The following BCAS1 variants were observed in gnomAD, a reference collection of about 807,000 sequenced individuals.
BCAS1 encodes the protein breast carcinoma-amplified sequence 1.
Under a neutral mutation model 65.4 loss-of-function variants are expected in BCAS1, and 46 were observed. The ratio of observed to expected loss-of-function variants is 0.70; its 90% CI spans 0.55 to 0.90. The LOEUF (loss-of-function observed/expected upper bound fraction) is 0.90, where lower values mean the gene tolerates loss of function less well. BCAS1 is among the 40% of genes least tolerant of loss of function. BCAS1 has a pLI of 0.00. For missense variants in BCAS1, 793 were observed against 771.2 expected (o/e 1.03, Z -0.33); for synonymous variants, 298 against 293.5 (o/e 1.02, Z -0.16).
At chr20:54,012,384 C>T (rs992769787) in intron 4 of BCAS1, among the ~76,000 whole-genome samples, 28 of 151,018 alleles carry the variant, frequency 1.9e-4, no homozygotes, top group African/African-American at 5.1e-4. Context: ...AAGATGTTAC[C>T]GTTGAGTGAC....
At position 54,028,755 on chromosome 20, in the gene BCAS1, C is replaced by T; in HGVS notation, c.360G>A (p.Lys120=). Residue 120 remains lysine (K), a synonymous_variant, in exon 4 of 13, where the codon AAG becomes AAA. Coordinates refer to ENST00000688948, the MANE Select transcript of BCAS1 (RefSeq NM_001366298.2). Reference sequence around the variant, plus strand: ...GAGCTTTATTGGAGCTGACATCAAGCTTCACTGATCCAAGGGATGAATCTG... The same window carrying T: ...GAGCTTTATTGGAGCTGACATCAAGTTTCACTGATCCAAGGGATGAATCTG... The part of the protein sequence containing the change: ...QAADSSLGSV[K]LDVSSNKAPA... 1 of 1,614,214 alleles carries T rather than the reference C, an allele frequency of 6.2e-7. No individual in the cohort carries two copies. Among genetic ancestry groups the T allele is most frequent in the South Asian group, 1.1e-5 (1 of 91,084 alleles).
chr20:54,033,787 C>G (rs1453161368), intron 3 of BCAS1, among the ~76,000 whole-genome samples: 1 of 151,276 alleles, frequency 6.6e-6, no homozygotes, highest in African/African-American at 2.4e-5. Flanking sequence ...GGAGTCCTTC[C>G]TAACTCATTT....
At position 54,033,866 on chromosome 20, in the gene BCAS1, T is replaced by A. The variant is rs185489895; in HGVS notation, c.143-4894A>T. Among the ~76,000 whole-genome samples, 4 of 151,386 alleles carry A rather than the reference T, an allele frequency of 2.6e-5. No individual in the cohort carries two copies. In the East Asian group the frequency reaches 7.7e-4, roughly 29 times the overall value. ...CAACAAGAAAAGCTTCAGGCCAATA[T>A]CCTTGATGAACTTCAATGCAAAAAT... On this transcript the variant is annotated intron_variant, in intron 3 of 12. Coordinates refer to ENST00000688948, the MANE Select transcript of BCAS1 (RefSeq NM_001366298.2).
chr20:54,053,652 A>G (rs1286571208), intron 3 of BCAS1, among the ~76,000 whole-genome samples: 1 of 152,270 alleles, frequency 6.6e-6, no homozygotes, highest in Non-Finnish European at 1.5e-5. Context: ...CATGCCAGAC[A>G]CTGTTCTGAG....
At chr20:54,032,181 AT>A (rs1208731229) in intron 3 of BCAS1, among the ~76,000 whole-genome samples, 1 of 151,506 alleles carries the variant, frequency 6.6e-6, no homozygotes, top group Non-Finnish European at 1.5e-5. Context: ...AATATTCAAC[AT>A]TCTTAAACAA....
chr20:53,998,365 C>T (rs929737557), intron 4 of BCAS1, among the ~76,000 whole-genome samples: 4 of 152,276 alleles, frequency 2.6e-5, no homozygotes, highest in African/African-American at 9.6e-5. Context: ...GTTCTGCAGC[C>T]TTTACAGGAA....
chr20:54,022,973 G>C (rs1425197342), intron 4 of BCAS1, among the ~76,000 whole-genome samples: 1 of 152,182 alleles, frequency 6.6e-6, no homozygotes, highest in African/African-American at 2.4e-5. Context: ...TCCAAAACTT[G>C]CATAATGTAA....
At chr20:54,035,324 C>T (rs1468707869) in intron 3 of BCAS1, among the ~76,000 whole-genome samples, 1 of 148,474 alleles carries the variant, frequency 6.7e-6, no homozygotes, top group Non-Finnish European at 1.5e-5. Context: ...TGGTGTGAAC[C>T]CGGGAGACAG....
chr20:54,024,200 A>G lies in BCAS1; in HGVS notation c.723+4192T>C, dbSNP rs955077069. ...CAGAGGTAGAGAGGAAACCTAGGCT[A>G]CTTGACTATGATGCTTATGTTTAAT... is the stretch of plus-strand genomic sequence containing the variant. On this transcript the variant is annotated intron_variant, in intron 4 of 12. Coordinates refer to ENST00000688948, the MANE Select transcript of BCAS1 (RefSeq NM_001366298.2). Among the ~76,000 whole-genome samples, 3 of 152,202 alleles carry G rather than the reference A, an allele frequency of 2.0e-5. No individual in the cohort carries two copies. The South Asian group carries it at 6.2e-4, about 32-fold the overall frequency.
intron 1 of BCAS1, among the ~76,000 whole-genome samples, chr20:54,059,811 C>A (rs1349040279): frequency 6.6e-6 from 1 of 152,158 alleles, no homozygotes; most frequent in Non-Finnish European, 1.5e-5. Context: ...AGAAAAAGTC[C>A]AGTAAATACA....
In BCAS1 at chr20:53,959,443, A is replaced by G. The variant is rs2089806666; in HGVS notation, c.1486-1946T>C. ...TAATTTTTGTATTTTTAGTAGAGAC[A>G]GGGTTTCACCATGTTGGCCAGGCTG... On this transcript the variant is annotated intron_variant, in intron 10 of 12. Transcript: ENST00000688948. 2.6e-5 allele frequency among the ~76,000 whole-genome samples: 4 copies of G among 152,106 alleles called. 1 individual carries two copies. The highest frequency in any genetic ancestry group is 1.5e-5 in the Non-Finnish European group (1 of 68,004).
chr20:53,948,006 G>C (rs1465677757), intron 12 of BCAS1, among the ~76,000 whole-genome samples: 2 of 152,188 alleles, frequency 1.3e-5, no homozygotes, highest in Non-Finnish European at 2.9e-5. Flanking sequence ...AACTCAGCAA[G>C]ATGACAGGTC....
At chr20:54,065,830 C>A (rs116438802) in intron 1 of BCAS1, among the ~76,000 whole-genome samples, 1 of 152,126 alleles carries the variant, frequency 6.6e-6, no homozygotes, top group African/African-American at 2.4e-5. Flanking sequence ...AGATTCCTTG[C>A]GTGGAGCTCC....
At chr20:54,017,823 C>T (rs2091471532) in intron 4 of BCAS1, among the ~76,000 whole-genome samples, 1 of 152,136 alleles carries the variant, frequency 6.6e-6, no homozygotes, top group African/African-American at 2.4e-5. Context: ...TAGTTCCTAA[C>T]AAGCACAACC....
At chr20:53,960,493 AAAAGAGAG>A (rs1447746034) in intron 10 of BCAS1, among the ~76,000 whole-genome samples, 1 of 114,980 alleles carries the variant, frequency 8.7e-6, no homozygotes, top group Non-Finnish European at 1.6e-5. Context: ...AAAAAAAAAA[AAAAGAGAG>A]AGAGAGTATC....
At chr20:54,015,049 A>T (rs1026530525) in intron 4 of BCAS1, among the ~76,000 whole-genome samples, 4 of 146,504 alleles carry the variant, frequency 2.7e-5, no homozygotes, top group Non-Finnish European at 4.5e-5. Flanking sequence ...GCAGACTATG[A>T]TTTTTTTTTT....
chr20:53,965,056 A>T lies in BCAS1; in HGVS notation c.1485+1850T>A, dbSNP rs79795202. 7.6e-3 allele frequency among the ~76,000 whole-genome samples: 1,150 copies of T among 152,310 alleles called. 16 individuals carry two copies. The highest frequency in any genetic ancestry group is 0.026 in the African/African-American group (1,090 of 41,556). On this transcript the variant is annotated intron_variant, in intron 10 of 12. Coordinates refer to ENST00000688948, the MANE Select transcript of BCAS1 (RefSeq NM_001366298.2). ...TCTTTTCTTTCCTGGCATCATGTAA[A>T]AATTGGTTTTAAAAAAAATCTCAAG...
chr20:54,009,295 A>G (rs2091271789), intron 4 of BCAS1, among the ~76,000 whole-genome samples: 1 of 152,216 alleles, frequency 6.6e-6, no homozygotes, highest in South Asian at 2.1e-4. Context: ...GAGTGAAATC[A>G]ACAGCATAAT....
intron 9 of BCAS1, among the ~76,000 whole-genome samples, chr20:53,974,363 T>C (rs1004354746): frequency 1.3e-5 from 2 of 152,190 alleles, no homozygotes; most frequent in Non-Finnish European, 2.9e-5. Context: ...GTGGCTTCTT[T>C]CTTGAAGTCA....
Sources: allele counts gnomAD v4.1 joint callset (sites outside exome capture counted in the v4.1 genomes callset), GRCh38; gene constraint gnomAD v4.1.1; transcripts MANE v1.5; gene names NCBI Gene and HGNC (gene_info 2026-07-23, HGNC 2026-07-21).